Variants in RYR3 observed in about 807,000 individuals in gnomAD.
The protein encoded by RYR3 is ryanodine receptor 3, also known as brain ryanodine receptor-calcium release channel.
RYR3 carries 207 observed loss-of-function variants against 584.3 expected under a neutral mutation model. That is an observed-to-expected ratio of 0.35 (90% CI 0.32 to 0.40). The LOEUF is 0.40. RYR3 is among the 10% of genes least tolerant of loss of function. The probability of loss-of-function intolerance (pLI) is 1.00; values close to 1 mark genes in which losing one functional copy is unlikely to be tolerated. For synonymous variants in RYR3, 2,416 were observed against 2,248.5 expected, an observed-to-expected ratio of 1.07 and a Z score of -2.11; for missense variants, 5,616 against 6,089.2, an observed-to-expected ratio of 0.92 and a Z score of 2.59.
At chr15:33,727,494 CTG>C (rs1285910256) in intron 46 of RYR3, among the ~76,000 whole-genome samples, 3 of 152,182 alleles carry the variant, frequency 2.0e-5, no homozygotes, top group African/African-American at 7.2e-5. Flanking sequence ...GATTACATCT[CTG>C]AGAAAACTTA....
chr15:33,855,595 C>T (rs899269486), intron 98 of RYR3, among the ~76,000 whole-genome samples: 2 of 147,418 alleles, frequency 1.4e-5, no homozygotes, highest in African/African-American at 5.0e-5. Context: ...GAAAACTCCC[C>T]AGGTATTTCT....
intron 84 of RYR3, 64 bp downstream of exon 84, chr15:33,826,816 A>G (rs2077400501): frequency 2.6e-6 from 3 of 1,163,142 alleles, no homozygotes; most frequent in South Asian, 2.8e-5. Context: ...AATTCCGTTC[A>G]GTATGCCCCA....
intron 10 of RYR3, among the ~76,000 whole-genome samples, chr15:33,554,063 A>G (rs1251668748): frequency 6.6e-6 from 1 of 152,148 alleles, no homozygotes; most frequent in Non-Finnish European, 1.5e-5. Context: ...CTTTCAGGCG[A>G]GTGTCAAGTG....
At chr15:33,455,760 A>G (rs1454923797) in intron 1 of RYR3, among the ~76,000 whole-genome samples, 5 of 152,154 alleles carry the variant, frequency 3.3e-5, no homozygotes, top group Non-Finnish European at 7.3e-5. Flanking sequence ...TGGAAGAAAA[A>G]AGTATTAGAT....
intron 67 of RYR3, among the ~76,000 whole-genome samples, chr15:33,792,672 TA>T (rs1325819411): frequency 1.3e-5 from 2 of 152,190 alleles, no homozygotes; most frequent in Non-Finnish European, 1.5e-5. Context: ...TGAGTGAAAA[TA>T]AATAAACAAC....
At chr15:33,810,016 G>A (rs138260354) in intron 70 of RYR3, among the ~76,000 whole-genome samples, 186 of 152,246 alleles carry the variant, frequency 1.2e-3, no homozygotes, top group African/African-American at 4.1e-3. Context: ...GCTCATGGTC[G>A]GGAGGCCATG....
At chr15:33,700,366 T>G (rs528576680) in intron 41 of RYR3, among the ~76,000 whole-genome samples, 27 of 152,336 alleles carry the variant, frequency 1.8e-4, no homozygotes, top group Non-Finnish European at 3.8e-4. Flanking sequence ...AGCAAGTCAC[T>G]GCATATGCCT....
chr15:33,548,034 G>C, intron 8 of RYR3, 96 bp from the exon 9 acceptor site: 1 of 818,234 alleles, frequency 1.2e-6, no homozygotes, highest in Non-Finnish European at 2.1e-6. Flanking sequence ...GCTTAGACAA[G>C]CTCAGTACCT....
At chr15:33,805,478 T>C (rs1328119402) in intron 69 of RYR3, among the ~76,000 whole-genome samples, 1 of 151,362 alleles carries the variant, frequency 6.6e-6, no homozygotes, top group Non-Finnish European at 1.5e-5. Flanking sequence ...TCTTTTTTTT[T>C]TTTTTTTCTT....
At chr15:33,524,188 GA>G (rs925883199) in intron 3 of RYR3, among the ~76,000 whole-genome samples, 26 of 152,240 alleles carry the variant, frequency 1.7e-4, no homozygotes, top group African/African-American at 6.3e-4. Context: ...AGAAAATTTA[GA>G]AAAGGAAAAA....
At chr15:33,810,696 A>G (rs2076479166) in intron 71 of RYR3, 47 bp downstream of exon 71, 9 of 1,610,288 alleles carry the variant, frequency 5.6e-6, no homozygotes, top group Non-Finnish European at 7.6e-6. Flanking sequence ...CACATGGTGC[A>G]GTGATAAGCA....
intron 87 of RYR3, 35 bp downstream of exon 87, chr15:33,835,107 G>T (rs1170220044): frequency 6.7e-7 from 1 of 1,496,290 alleles, no homozygotes; most frequent in Non-Finnish European, 9.3e-7. Context: ...TGTCATTGTT[G>T]TGAAATGCTA....
intron 38 of RYR3, among the ~76,000 whole-genome samples, chr15:33,687,301 C>A (rs1267663499): frequency 1.3e-5 from 2 of 152,194 alleles, no homozygotes; most frequent in Non-Finnish European, 2.9e-5. Flanking sequence ...CATGAGTGAA[C>A]TCCCATTCGC....
intron 11 of RYR3, among the ~76,000 whole-genome samples, chr15:33,564,033 G>T (rs961571856): frequency 2.0e-5 from 3 of 152,122 alleles, no homozygotes; most frequent in African/African-American, 7.2e-5. Context: ...ACAAAATATT[G>T]CACATAGAAC....
chr15:33,408,238 ATAAG>A (rs1418216166), intron 1 of RYR3, among the ~76,000 whole-genome samples: 1 of 152,186 alleles, frequency 6.6e-6, no homozygotes, highest in Non-Finnish European at 1.5e-5. Context: ...GCTGACACTT[ATAAG>A]TGAGAACATG....
Position 33,372,116 on chromosome 15 carries a change from AGCACT to A in RYR3, c.51+61023_51+61027del, listed in dbSNP as rs2040375293. Among the ~76,000 whole-genome samples the A allele has an allele frequency of 2.6e-5, 4 of 152,326 alleles. No individual in the cohort carries two copies. The South Asian group carries it at 8.3e-4, about 32-fold the overall frequency. On this transcript the variant is annotated intron_variant, in intron 1 of 103. Coordinates refer to ENST00000634891, the MANE Select transcript of RYR3 (RefSeq NM_001036.6). ...ATGAATTATTCCATTCAGTCTTCAC[AGCACT>A]GCTGTGAAGGAGATAGGATTACTAT...
chr15:33,484,684 C>T (rs2050262185), intron 2 of RYR3, among the ~76,000 whole-genome samples: 1 of 152,044 alleles, frequency 6.6e-6, no homozygotes, highest in Admixed American at 6.5e-5. Context: ...AAGTATGATG[C>T]TAGAGTTATA....
At chr15:33,741,409 A>C (rs2070087215) in intron 51 of RYR3, among the ~76,000 whole-genome samples, 1 of 152,116 alleles carries the variant, frequency 6.6e-6, no homozygotes, top group African/African-American at 2.4e-5. Context: ...TCAAGACTTA[A>C]ATTCCGTGGA....
At chr15:33,323,004 T>C (rs1969184386) in intron 1 of RYR3, among the ~76,000 whole-genome samples, 1 of 151,636 alleles carries the variant, frequency 6.6e-6, no homozygotes, top group African/African-American at 2.4e-5. Context: ...AGAGTGTGAA[T>C]TCTGAATTTG....
Sources: gnomAD v4.1 joint callset for allele counts (sites outside exome capture counted in the v4.1 genomes callset) on GRCh38, gnomAD v4.1.1 for gene constraint, MANE v1.5 for transcripts, NCBI Gene and HGNC (gene_info 2026-07-23, HGNC 2026-07-21) for gene names.